Variants in SMC5 observed in about 807,000 individuals in gnomAD.
SMC5 encodes structural maintenance of chromosomes 5, also known as structural maintenance of chromosomes protein 5.
SMC5 carries 88 observed loss-of-function variants against 148.3 expected under a neutral mutation model. That is an observed-to-expected ratio of 0.59 (90% CI 0.50 to 0.71). The LOEUF (loss-of-function observed/expected upper bound fraction) is 0.71. Ranked by LOEUF, SMC5 falls within the 30% of genes least tolerant of loss-of-function variation. The probability of loss-of-function intolerance (pLI) is 0.00; values close to 1 mark genes in which losing one functional copy is unlikely to be tolerated. For missense variants in SMC5, 1,142 were observed against 1,298.9 expected, an observed-to-expected ratio of 0.88 and a Z score of 1.86; for synonymous variants, 421 against 432.8, an observed-to-expected ratio of 0.97 and a Z score of 0.34.
intron 16 of SMC5, 73 bp from the exon 17 acceptor site, chr9:70,323,948 A>T: frequency 1.5e-6 from 2 of 1,334,126 alleles, no homozygotes; most frequent in Non-Finnish European, 2.0e-6. Context: ...ATTTTGTTTT[A>T]AAAAACTATA....
chr9:70,320,660 A>ACTTAAGC (rs2035920193), intron 15 of SMC5, among the ~76,000 whole-genome samples: 1 of 152,174 alleles, frequency 6.6e-6, no homozygotes, highest in African/African-American at 2.4e-5. Context: ...TGGATTTTGG[A>ACTTAAGC]ATCCTTAGGG....
chr9:70,324,089 G>T lies in SMC5; in HGVS notation c.2343G>T (p.Lys781Asn), dbSNP rs771522033. ...AAAATACTACAGTGATCTCTGAGAA[G>T]AACAAATTAGAATCAGATTATATGG... ...ILQNTTVISE[K>N]NKLESDYMAA... is the part of the protein sequence containing the mutation. Residue 781 changes from lysine (K) to asparagine (N), a missense_variant, in exon 17 of 25, where the codon AAG (lysine) becomes AAT (asparagine). Around this residue, in one of 5 missense-constraint regions of SMC5, gnomAD observed 743 missense variants for 835.7 expected, o/e 0.89. Coordinates refer to ENST00000361138, the MANE Select transcript of SMC5 (RefSeq NM_015110.4). The T allele has an allele frequency of 5.6e-6, 9 of 1,601,968 alleles. No individual in the cohort carries two copies. Among genetic ancestry groups the T allele is most frequent in the Non-Finnish European group, 7.6e-6 (9 of 1,177,816 alleles).
chr9:70,302,887 T>C (rs2118442342), intron 10 of SMC5, among the ~76,000 whole-genome samples: 1 of 152,216 alleles, frequency 6.6e-6, no homozygotes, highest in South Asian at 2.1e-4. Context: ...TAAACCAGTT[T>C]ATATACTCTG....
chr9:70,289,839 C>G (rs1042386406), intron 8 of SMC5, among the ~76,000 whole-genome samples: 2 of 151,538 alleles, frequency 1.3e-5, no homozygotes, highest in South Asian at 4.2e-4. Context: ...AATCCCATGT[C>G]AGTATCATCA....
chr9:70,323,978 A>T (rs1283428619), intron 16 of SMC5, 43 bp from the exon 17 acceptor site: 1 of 1,459,224 alleles, frequency 6.9e-7, no homozygotes, highest in Non-Finnish European at 9.1e-7. Context: ...GTTCTAAAAC[A>T]TAGGTAACAT....
chr9:70,274,245 C>T (rs1420486875), intron 3 of SMC5, among the ~76,000 whole-genome samples: 1 of 152,168 alleles, frequency 6.6e-6, no homozygotes, highest in Non-Finnish European at 1.5e-5. Context: ...CTACGCCCAG[C>T]TAATTTTTTG....
At chr9:70,265,987 G>A (rs562018073) in intron 2 of SMC5, among the ~76,000 whole-genome samples, 1 of 152,168 alleles carries the variant, frequency 6.6e-6, no homozygotes, top group Non-Finnish European at 1.5e-5. Context: ...GAACAATGAA[G>A]TTAAGCTTGA....
intron 9 of SMC5, among the ~76,000 whole-genome samples, 176 bp downstream of exon 9, chr9:70,298,397 A>G (rs2035265425): frequency 6.6e-6 from 1 of 152,162 alleles, no homozygotes; most frequent in Non-Finnish European, 1.5e-5. Context: ...CGTGTACTGT[A>G]ATTTGCCATT....
intron 3 of SMC5, among the ~76,000 whole-genome samples, chr9:70,275,521 GAATCTGATCTTAGTTT>G (rs940749798): frequency 6.6e-6 from 1 of 152,008 alleles, no homozygotes; most frequent in Non-Finnish European, 1.5e-5. Context: ...CTTCTAATGT[GAATCTGATCTTAGTTT>G]ATTTGATAGT....
At chr9:70,315,003 G>A (rs2035757978) in intron 12 of SMC5, among the ~76,000 whole-genome samples, 167 bp downstream of exon 12, 2 of 152,060 alleles carry the variant, frequency 1.3e-5, no homozygotes, top group South Asian at 4.2e-4. Context: ...CACAGTGAGT[G>A]TGATGCGATG....
intron 3 of SMC5, among the ~76,000 whole-genome samples, chr9:70,272,645 T>G (rs2034483345): frequency 6.6e-6 from 1 of 152,208 alleles, no homozygotes; most frequent in African/African-American, 2.4e-5. Flanking sequence ...GAGCTGAAGA[T>G]AAACACATTT....
chr9:70,314,800 C>T lies in SMC5; in HGVS notation c.1637C>T (p.Ala546Val). The stretch of plus-strand genomic sequence containing the variant: ...GTTATTGCTCCCAAGAGTTCATATG[C>T]AGACAAAGCACCTTCAAGATCTTTG... ...NAVIAPKSSYADKAPSRSLNE... is the reference protein window; with the variant it reads ...NAVIAPKSSYVDKAPSRSLNE... Residue 546 changes from alanine to valine, a missense_variant, in exon 12 of 25, where the codon GCA becomes GTA. Ala to Val is a moderately conservative substitution (Grantham distance 64). Around this residue, in one of 5 missense-constraint regions of SMC5, gnomAD observed 743 missense variants for 835.7 expected, o/e 0.89. Transcript: ENST00000361138. 6.4e-7 allele frequency: 1 copy of T among 1,574,622 alleles called. No individual in the cohort carries two copies. Among genetic ancestry groups the T allele is most frequent in the South Asian group, 1.2e-5 (1 of 83,752 alleles).
chr9:70,308,860 T>C lies in SMC5; in HGVS notation c.1578+3500T>C, dbSNP rs563960884. Among the ~76,000 whole-genome samples the C allele has an allele frequency of 3.3e-5, 5 of 152,214 alleles. No homozygotes were observed. In the South Asian group the frequency reaches 8.3e-4, roughly 25 times the overall value. ...GATTTTTTTAAACATTGACCTTATA[T>C]CCTGTGACACTATTGAATTTACATT... On this transcript the variant is annotated intron_variant, in intron 11 of 24. Coordinates refer to ENST00000361138, the MANE Select transcript of SMC5 (RefSeq NM_015110.4).
At position 70,286,180 on chromosome 9, in the gene SMC5, T is replaced by G. The variant is rs1180123; in HGVS notation, c.982-20T>G. The G allele has an allele frequency of 8.4e-7, 1 of 1,190,624 alleles. No individual in the cohort carries two copies. Among genetic ancestry groups the G allele is most frequent in the Non-Finnish European group, 1.2e-6 (1 of 816,430 alleles). 73.8% of individuals were successfully genotyped at this position (1,190,624 alleles called of 1,614,324 possible). On this transcript the variant is annotated intron_variant, in intron 7 of 24. Transcript: ENST00000361138. ...GTTTTTAACTAGCTGTCCCCCCCTC[T>G]CCCCGGTTTAATTTTACAGGCAACA... is the stretch of plus-strand genomic sequence containing the variant.
intron 8 of SMC5, among the ~76,000 whole-genome samples, chr9:70,287,106 T>G (rs1342689753): frequency 6.6e-6 from 1 of 152,170 alleles, no homozygotes; most frequent in Non-Finnish European, 1.5e-5. Context: ...ATGAAGACAC[T>G]TACATTGTAA....
intron 5 of SMC5, 76 bp from the exon 6 acceptor site, chr9:70,280,683 A>C: frequency 1.4e-6 from 2 of 1,418,100 alleles, no homozygotes; most frequent in Non-Finnish European, 1.9e-6. Context: ...GCCATCGTTT[A>C]TTTTTCATTG....
chr9:70,300,082 T>G lies in SMC5; in HGVS notation c.1346T>G (p.Met449Arg). 1 of 1,595,862 alleles carries G rather than the reference T, an allele frequency of 6.3e-7. No homozygotes were observed. Among genetic ancestry groups the G allele is most frequent in the Non-Finnish European group, 8.5e-7 (1 of 1,175,362 alleles). The change falls in exon 10 of 25, where the codon ATG (methionine) becomes AGG (arginine). Residue 449 changes from methionine to arginine, a missense_variant. By Grantham distance (91) the Met-to-Arg change is moderately conservative. Around this residue, in one of 5 missense-constraint regions of SMC5, gnomAD observed 743 missense variants for 835.7 expected, o/e 0.89. Coordinates refer to ENST00000361138, the MANE Select transcript of SMC5 (RefSeq NM_015110.4). ...DDHIVRFDNL[M>R]NQKEDKLRQR... is the part of the protein sequence containing the mutation. ...CATATTGTACGTTTTGACAATCTTA[T>G]GAATCAGAAGGAAGATAAGCTAAGA...
intron 8 of SMC5, among the ~76,000 whole-genome samples, chr9:70,286,586 GT>G (rs2034908705): frequency 6.6e-6 from 1 of 152,046 alleles, no homozygotes; most frequent in Non-Finnish European, 1.5e-5. Flanking sequence ...TTCTGTTGTT[GT>G]TTAAAACACA....
At chr9:70,322,885 A>G (rs2035984334) in intron 15 of SMC5, among the ~76,000 whole-genome samples, 1 of 152,172 alleles carries the variant, frequency 6.6e-6, no homozygotes, top group Non-Finnish European at 1.5e-5. Context: ...CATGAAATTT[A>G]ATTAAACACT....
Sources: allele counts gnomAD v4.1 joint callset (sites outside exome capture counted in the v4.1 genomes callset), GRCh38; gene constraint gnomAD v4.1.1; regional missense constraint gnomAD v4.1.1; transcripts MANE v1.5; gene names NCBI Gene and HGNC (gene_info 2026-07-23, HGNC 2026-07-21).